Variants in WDR59 observed in about 807,000 individuals in gnomAD.
WDR59 encodes WD repeat domain 59.
Under a neutral mutation model 131.2 loss-of-function variants are expected in WDR59, and 100 were observed. The observed-to-expected ratio is 0.76, with a 90% CI of 0.65 to 0.90. The LOEUF (loss-of-function observed/expected upper bound fraction) is 0.90. Ranked by LOEUF, WDR59 falls within the 40% of genes least tolerant of loss-of-function variation. WDR59 has a pLI of 0.00. For missense variants in WDR59, 1,203 were observed against 1,262.2 expected, an observed-to-expected ratio of 0.95 and a Z score of 0.71; for synonymous variants, 601 against 466.2, an observed-to-expected ratio of 1.29 and a Z score of -3.72.
At chr16:74,958,480 C>A (rs1248415855) in intron 2 of WDR59, among the ~76,000 whole-genome samples, 1 of 149,922 alleles carries the variant, frequency 6.7e-6, no homozygotes, top group Non-Finnish European at 1.5e-5. Flanking sequence ...GTAATCCCAG[C>A]CACTCAGGAG....
rs77440996 is a variant in WDR59 at position 74,906,884 on chromosome 16, T to A, written c.1712+2024A>T. On this transcript the variant is annotated intron_variant, in intron 17 of 25. Transcript: ENST00000262144. ...GGAACCTTTGTGGGTGAGGACAGTG[T>A]TCTATATCTTGATATGAGTGTTGGT... Among the ~76,000 whole-genome samples the A allele has an allele frequency of 1.1e-3, 162 of 152,314 alleles. 1 individual carries two copies. Among genetic ancestry groups the A allele is most frequent in the African/African-American group, 3.7e-3 (154 of 41,576 alleles).
chr16:74,908,972 G>A lies in WDR59; in HGVS notation c.1648C>T (p.Leu550=). Reference sequence around the variant, plus strand: ...GTCATGGGCCTTGTGAAATATACCAGGTAACCTAAAGGAGGAGACATCACA... The same window carrying A: ...GTCATGGGCCTTGTGAAATATACCAAGTAACCTAAAGGAGGAGACATCACA... ...SGARFCGAGY[L]VYFTRPMTMH... is the part of the protein sequence containing the mutation. The change falls in exon 17 of 26, where the codon CTG becomes TTG. Residue 550 remains leucine (L), a synonymous_variant. Coordinates refer to ENST00000262144, the MANE Select transcript of WDR59 (RefSeq NM_030581.4). 1.2e-6 allele frequency: 2 copies of A among 1,613,598 alleles called. No individual in the cohort carries two copies. The highest frequency in any genetic ancestry group is 1.7e-6 in the Non-Finnish European group (2 of 1,179,868).
At position 74,912,240 on chromosome 16, in the gene WDR59, G is replaced by A; in HGVS notation, c.1347C>T (p.Asn449=). Reference sequence around the variant, plus strand: ...TCATGGTGGATGTGATGGTTGTGGGGTTAATAAACTGGAAGGAAGGGGCGG... The same window carrying A: ...TCATGGTGGATGTGATGGTTGTGGGATTAATAAACTGGAAGGAAGGGGCGG... The part of the protein sequence containing the change: ...NNAAPSFQFI[N]PTTITSTMKA... The change falls in exon 14 of 26, where the codon AAC becomes AAT. Residue 449 remains asparagine, a synonymous_variant. Transcript: ENST00000262144. 6.2e-7 allele frequency: 1 copy of A among 1,614,168 alleles called. No homozygotes were observed. The highest frequency in any genetic ancestry group is 1.3e-5 in the African/African-American group (1 of 75,050).
At chr16:74,928,205 T>A (rs1238403923) in intron 8 of WDR59, among the ~76,000 whole-genome samples, 1 of 600 alleles carries the variant, frequency 1.7e-3, no homozygotes, top group African/African-American at 3.8e-3. Context: ...TGCATCCAGG[T>A]TTTTTTTTTT....
chr16:74,944,343 G>A (rs1029328928), intron 6 of WDR59, among the ~76,000 whole-genome samples: 1 of 151,774 alleles, frequency 6.6e-6, no homozygotes, highest in Non-Finnish European at 1.5e-5. Flanking sequence ...GCGTGCACCT[G>A]TAATCCCAGC....
intron 1 of WDR59, among the ~76,000 whole-genome samples, chr16:74,978,094 G>A (rs2034260158): frequency 6.6e-6 from 1 of 152,036 alleles, no homozygotes; most frequent in Non-Finnish European, 1.5e-5. Context: ...AGTGGCTCAC[G>A]CCTGTAATCC....
At chr16:74,928,362 G>A (rs2031061424) in intron 8 of WDR59, among the ~76,000 whole-genome samples, 1 of 151,742 alleles carries the variant, frequency 6.6e-6, no homozygotes, top group Non-Finnish European at 1.5e-5. Flanking sequence ...GACTACAAGG[G>A]CACACCACCA....
chr16:74,916,390 T>C, intron 11 of WDR59, 131 bp from the exon 12 acceptor site: 2 of 1,173,080 alleles, frequency 1.7e-6, no homozygotes, highest in Non-Finnish European at 2.5e-6. Flanking sequence ...GCTGACATAA[T>C]CAAAATAGAT....
intron 7 of WDR59, among the ~76,000 whole-genome samples, chr16:74,940,811 T>C (rs1328660485): frequency 6.6e-6 from 1 of 152,050 alleles, no homozygotes; most frequent in Non-Finnish European, 1.5e-5. Flanking sequence ...GTTCAAGCGA[T>C]TCTCCTGCCT....
intron 2 of WDR59, among the ~76,000 whole-genome samples, chr16:74,960,672 G>A (rs941388411): frequency 2.0e-5 from 3 of 151,172 alleles, no homozygotes; most frequent in Non-Finnish European, 4.4e-5. Context: ...TTGAACCCAG[G>A]AAGCAGAGGT....
chr16:74,890,971 G>C (rs1235676214), intron 20 of WDR59, among the ~76,000 whole-genome samples: 1 of 151,996 alleles, frequency 6.6e-6, no homozygotes, highest in Non-Finnish European at 1.5e-5. Flanking sequence ...AAAATTAGCT[G>C]GGCATGGTGG....
chr16:74,927,957 G>C (rs2031010494), intron 8 of WDR59, among the ~76,000 whole-genome samples: 1 of 144,258 alleles, frequency 6.9e-6, no homozygotes, highest in African/African-American at 2.6e-5. Context: ...TGCCAGGCTG[G>C]AGTGCAGTAG....
rs186387231 is a variant in WDR59 at position 74,959,799 on chromosome 16, T to G, written c.105-3189A>C. Among the ~76,000 whole-genome samples, 48 of 145,658 alleles carry G rather than the reference T, an allele frequency of 3.3e-4. 1 individual carries two copies. The highest frequency in any genetic ancestry group is 1.8e-3 in the East Asian group (9 of 4,974). The stretch of plus-strand genomic sequence containing the variant: ...GAAAAGGAAAGAAAAAACTCCTCCC[T>G]TGCCTCCCCACCGCCCTCCAAAATA... On this transcript the variant is annotated intron_variant, in intron 2 of 25. Transcript: ENST00000262144.
chr16:74,890,334 A>G (rs1964977000), intron 20 of WDR59, among the ~76,000 whole-genome samples: 1 of 152,016 alleles, frequency 6.6e-6, no homozygotes. Flanking sequence ...TATTTTCAGT[A>G]GAGATGGGGT....
At chr16:74,927,638 A>C (rs1597730553) in intron 8 of WDR59, among the ~76,000 whole-genome samples, 1 of 150,846 alleles carries the variant, frequency 6.6e-6, no homozygotes, top group East Asian at 1.9e-4. Flanking sequence ...AAAAAATAAA[A>C]CTTCTAAAAA....
intron 1 of WDR59, among the ~76,000 whole-genome samples, chr16:74,968,138 G>C (rs2033846694): frequency 6.6e-6 from 1 of 152,112 alleles, no homozygotes; most frequent in African/African-American, 2.4e-5. Flanking sequence ...GGGAAGTAGA[G>C]AATGCGGAGT....
chr16:74,957,983 C>A (rs74026635), intron 2 of WDR59, among the ~76,000 whole-genome samples: 157 of 152,256 alleles, frequency 1.0e-3, no homozygotes, highest in African/African-American at 3.3e-3. Context: ...GAATCTCTGG[C>A]CTGCTCCAAA....
intron 3 of WDR59, among the ~76,000 whole-genome samples, chr16:74,952,164 GAA>G (rs1283246436): frequency 6.6e-6 from 1 of 151,644 alleles, no homozygotes; most frequent in Non-Finnish European, 1.5e-5. Context: ...GCATAAGAGA[GAA>G]AAAAGAGGCT....
At chr16:74,925,364 C>T (rs1042222682) in intron 8 of WDR59, among the ~76,000 whole-genome samples, 4 of 151,788 alleles carry the variant, frequency 2.6e-5, no homozygotes, top group African/African-American at 7.3e-5. Context: ...GCCAACATGG[C>T]GAAACCCCAT....
Sources: allele counts gnomAD v4.1 joint callset (sites outside exome capture counted in the v4.1 genomes callset), GRCh38; gene constraint gnomAD v4.1.1; transcripts MANE v1.5; gene names NCBI Gene and HGNC (gene_info 2026-07-23, HGNC 2026-07-21).